Variants in SNTG1 observed in about 807,000 individuals in gnomAD.
The protein encoded by SNTG1 is syntrophin gamma 1, also known as gamma-1-syntrophin.
A neutral mutation model predicts 74.7 loss-of-function variants in SNTG1; 39 were observed. That is an observed-to-expected ratio of 0.52 (90% CI 0.40 to 0.68). The LOEUF (loss-of-function observed/expected upper bound fraction) is 0.68, where lower values mean the gene tolerates loss of function less well. Among genes scored for constraint, SNTG1 ranks in the 30% least tolerant of loss-of-function variants. SNTG1 has a pLI of 0.00. For missense variants in SNTG1, 685 were observed against 609.5 expected (o/e 1.12, Z -1.30); for synonymous variants, 254 against 217.1 (o/e 1.17, Z -1.49).
intron 1 of SNTG1, among the ~76,000 whole-genome samples, chr8:50,053,206 A>G (rs1819726538): frequency 1.3e-5 from 2 of 152,186 alleles, no homozygotes; most frequent in Non-Finnish European, 2.9e-5. Context: ...GAATGGATGA[A>G]CAAAATGTGG....
chr8:50,021,552 T>A (rs745678091), intron 1 of SNTG1, among the ~76,000 whole-genome samples: 1 of 152,156 alleles, frequency 6.6e-6, no homozygotes, highest in Non-Finnish European at 1.5e-5. Context: ...CTGGGAACTC[T>A]AGTGGGTCTG....
intron 4 of SNTG1, among the ~76,000 whole-genome samples, chr8:50,431,732 TATA>T (rs2093238363): frequency 6.6e-6 from 1 of 152,226 alleles, no homozygotes; most frequent in African/African-American, 2.4e-5. Flanking sequence ...TTAATAAGTG[TATA>T]ATATTATCTC....
At chr8:50,246,593 C>T (rs988007955) in intron 2 of SNTG1, among the ~76,000 whole-genome samples, 2 of 151,584 alleles carry the variant, frequency 1.3e-5, no homozygotes, top group East Asian at 1.9e-4. Flanking sequence ...TGATTTCCCT[C>T]GAAATTGCTC....
At chr8:50,775,026 A>G (rs1030221197) in intron 18 of SNTG1, among the ~76,000 whole-genome samples, 2 of 150,990 alleles carry the variant, frequency 1.3e-5, no homozygotes, top group Admixed American at 6.6e-5. Context: ...ACATGTACAT[A>G]TATAGTGTTA....
At chr8:50,392,133 A>G (rs1467981113) in intron 2 of SNTG1, among the ~76,000 whole-genome samples, 1 of 152,196 alleles carries the variant, frequency 6.6e-6, no homozygotes, top group African/African-American at 2.4e-5. Flanking sequence ...ATGTATCAGC[A>G]ATGGTTCATT....
At chr8:50,023,164 G>A (rs903801319) in intron 1 of SNTG1, among the ~76,000 whole-genome samples, 3 of 152,116 alleles carry the variant, frequency 2.0e-5, no homozygotes, top group Admixed American at 6.6e-5. Flanking sequence ...GATATCCATC[G>A]ACAGGGAGCC....
At chr8:50,199,693 G>T (rs140427329) in intron 2 of SNTG1, among the ~76,000 whole-genome samples, 1 of 152,108 alleles carries the variant, frequency 6.6e-6, no homozygotes, top group Non-Finnish European at 1.5e-5. Context: ...GCCCTGTTTT[G>T]GTGCATGACT....
At chr8:50,449,127 T>A (rs2093432499) in intron 5 of SNTG1, among the ~76,000 whole-genome samples, 1 of 152,248 alleles carries the variant, frequency 6.6e-6, no homozygotes, top group South Asian at 2.1e-4. Context: ...AATTGTTTAG[T>A]ATGTGCTTTC....
chr8:50,130,562 G>A (rs1168409533), intron 1 of SNTG1, among the ~76,000 whole-genome samples: 1 of 152,060 alleles, frequency 6.6e-6, no homozygotes, highest in Non-Finnish European at 1.5e-5. Context: ...AATGCTAAAA[G>A]AATGCAAATA....
intron 17 of SNTG1, among the ~76,000 whole-genome samples, chr8:50,741,313 G>T (rs958508111): frequency 2.0e-5 from 3 of 151,892 alleles, no homozygotes; most frequent in African/African-American, 7.2e-5. Flanking sequence ...AGTAGAGATG[G>T]GGTTTCGCCA....
chr8:50,550,482 G>A (rs954346435), intron 11 of SNTG1, among the ~76,000 whole-genome samples: 10 of 152,104 alleles, frequency 6.6e-5, no homozygotes, highest in African/African-American at 1.9e-4. Context: ...TTTGTATAGT[G>A]AGCAGTATAT....
At chr8:50,069,957 C>T (rs1179715406) in intron 1 of SNTG1, among the ~76,000 whole-genome samples, 1 of 152,062 alleles carries the variant, frequency 6.6e-6, no homozygotes, top group Non-Finnish European at 1.5e-5. Flanking sequence ...GCAAGTCAGG[C>T]TGTGCAGCAG....
At chr8:50,214,403 T>TATA (rs1209060029) in intron 2 of SNTG1, among the ~76,000 whole-genome samples, 1 of 151,338 alleles carries the variant, frequency 6.6e-6, no homozygotes. Context: ...AAACCTAAAG[T>TATA]ATAATAATAA....
At chr8:50,238,404 T>A (rs2086013927) in intron 2 of SNTG1, among the ~76,000 whole-genome samples, 1 of 152,184 alleles carries the variant, frequency 6.6e-6, no homozygotes, top group Non-Finnish European at 1.5e-5. Flanking sequence ...TAATTCACTA[T>A]TCAATAAACG....
At chr8:50,568,370 T>C (rs1489869712) in intron 12 of SNTG1, among the ~76,000 whole-genome samples, 10 of 152,094 alleles carry the variant, frequency 6.6e-5, no homozygotes, top group Admixed American at 5.9e-4. Context: ...AGTAATGGAA[T>C]TGTTGAGTCA....
chr8:50,619,996 A>C (rs1291212762), intron 13 of SNTG1, among the ~76,000 whole-genome samples: 13 of 151,884 alleles, frequency 8.6e-5, no homozygotes, highest in African/African-American at 2.7e-4. Context: ...CTTAAACAGC[A>C]CAGATTTCTC....
At chr8:50,609,518 GT>G (rs540380964) in intron 13 of SNTG1, among the ~76,000 whole-genome samples, 1 of 152,084 alleles carries the variant, frequency 6.6e-6, no homozygotes, top group South Asian at 2.1e-4. Flanking sequence ...ATCTCTTTGT[GT>G]TTATTCCACT....
At chr8:50,327,858 G>T (rs2090814452) in intron 2 of SNTG1, among the ~76,000 whole-genome samples, 1 of 151,830 alleles carries the variant, frequency 6.6e-6, no homozygotes, top group African/African-American at 2.4e-5. Context: ...TGGTTTTAGA[G>T]TTTGCAATAT....
chr8:50,658,854 C>T (rs755024339), intron 15 of SNTG1, among the ~76,000 whole-genome samples, 191 bp downstream of exon 15: 6 of 152,220 alleles, frequency 3.9e-5, no homozygotes, highest in Non-Finnish European at 8.8e-5. Flanking sequence ...TGCACTGGCA[C>T]TCAGCTATCT....
Sources: allele counts gnomAD v4.1 joint callset (sites outside exome capture counted in the v4.1 genomes callset), GRCh38; gene constraint gnomAD v4.1.1; transcripts MANE v1.5; gene names NCBI Gene and HGNC (gene_info 2026-07-23, HGNC 2026-07-21).